PILRA: variants seen among roughly 807,000 people sequenced by gnomAD.
PILRA encodes the protein paired immunoglobulin-like type 2 receptor alpha.
A neutral mutation model predicts 33.1 loss-of-function variants in PILRA; 37 were observed. That is an observed-to-expected ratio of 1.12 (90% CI 0.86 to 1.47). PILRA has a LOEUF of 1.47. PILRA is among the 40% of genes most tolerant of loss of function. The pLI is 0.00. For missense variants in PILRA, 312 were observed against 376.2 expected, an observed-to-expected ratio of 0.83 and a Z score of 1.41; for synonymous variants, 146 against 149.9, an observed-to-expected ratio of 0.97 and a Z score of 0.19.
At chr7:100,375,283 C>T (rs1331421410) in intron 2 of PILRA, among the ~76,000 whole-genome samples, 2 of 152,212 alleles carry the variant, frequency 1.3e-5, no homozygotes, top group Non-Finnish European at 2.9e-5. Flanking sequence ...CCTGGCAAAT[C>T]GCTTCGTGTG....
chr7:100,397,726 G>A (rs1791529374), intron 3 of PILRA, among the ~76,000 whole-genome samples, 153 bp from the exon 4 acceptor site: 2 of 152,166 alleles, frequency 1.3e-5, no homozygotes, highest in African/African-American at 2.4e-5. Flanking sequence ...GGTGCCGGCT[G>A]AGTCCCAGGC....
intron 2 of PILRA, among the ~76,000 whole-genome samples, chr7:100,389,434 C>CT (rs978667262): frequency 1.3e-5 from 2 of 152,104 alleles, no homozygotes; most frequent in African/African-American, 4.8e-5. Context: ...CAACAATAGA[C>CT]TTTTTTTGAT....
intron 3 of PILRA, among the ~76,000 whole-genome samples, chr7:100,395,114 A>G (rs1791468639): frequency 6.6e-6 from 1 of 152,230 alleles, no homozygotes; most frequent in African/African-American, 2.4e-5. Flanking sequence ...CTATAATTCA[A>G]CAACAAAAAA....
chr7:100,396,650 C>A (rs1389544112), intron 3 of PILRA, among the ~76,000 whole-genome samples: 1 of 151,996 alleles, frequency 6.6e-6, no homozygotes, highest in Non-Finnish European at 1.5e-5. Context: ...GAAACTCTGT[C>A]TCAAAAAATA....
chr7:100,390,288 G>A (rs1791361644), intron 3 of PILRA, among the ~76,000 whole-genome samples, 182 bp downstream of exon 3: 2 of 152,134 alleles, frequency 1.3e-5, no homozygotes, highest in Non-Finnish European at 1.5e-5. Context: ...GTGGGGCGGG[G>A]CAGGGTCACA....
In PILRA at chr7:100,373,610, C is replaced by G. The variant is rs199810421; in HGVS notation, c.-47C>G. Reference sequence around the variant, plus strand: ...CCCCTCCACAGGGCCCCTCTCCTGCCTGGACGGCTCTGCTGGTCTCCCCGT... The same window carrying G: ...CCCCTCCACAGGGCCCCTCTCCTGCGTGGACGGCTCTGCTGGTCTCCCCGT... On this transcript the variant is annotated 5_prime_UTR_variant, in exon 1 of 7. Transcript: ENST00000198536. 6.2e-7 allele frequency: 1 copy of G among 1,610,758 alleles called. No individual in the cohort carries two copies. Among genetic ancestry groups the G allele is most frequent in the African/African-American group, 1.3e-5 (1 of 74,896 alleles).
intron 2 of PILRA, among the ~76,000 whole-genome samples, chr7:100,378,059 T>A (rs994142883): frequency 6.6e-6 from 1 of 152,088 alleles, no homozygotes; most frequent in Non-Finnish European, 1.5e-5. Flanking sequence ...CCTCAAAAAC[T>A]TTTTTAGGCT....
intron 2 of PILRA, 149 bp downstream of exon 2, chr7:100,374,582 C>A (rs1302133018): frequency 6.0e-6 from 5 of 828,628 alleles, no homozygotes; most frequent in Admixed American, 4.1e-5. Context: ...CAGGCCTTTG[C>A]CACCTCTCCC....
At chr7:100,383,938 C>T (rs1272837775) in intron 2 of PILRA, among the ~76,000 whole-genome samples, 3 of 152,108 alleles carry the variant, frequency 2.0e-5, no homozygotes, top group Admixed American at 6.5e-5. Context: ...TGCCCGGCCC[C>T]AACTCACAGC....
intron 1 of PILRA, 117 bp from the exon 2 acceptor site, chr7:100,373,927 C>T: frequency 2.1e-6 from 3 of 1,400,550 alleles, no homozygotes; most frequent in Non-Finnish European, 2.9e-6. Context: ...GAGGTCAGTC[C>T]AGCCACCTGT....
At chr7:100,386,627 C>T (rs1418762335) in intron 2 of PILRA, among the ~76,000 whole-genome samples, 1 of 152,062 alleles carries the variant, frequency 6.6e-6, no homozygotes, top group Admixed American at 6.5e-5. Flanking sequence ...AAGCGATCCT[C>T]CTCCTGAGGC....
At chr7:100,383,969 A>G (rs886611384) in intron 2 of PILRA, among the ~76,000 whole-genome samples, 3 of 152,088 alleles carry the variant, frequency 2.0e-5, no homozygotes, top group South Asian at 2.1e-4. Context: ...CCCTCTCGCT[A>G]TGGTATGGAG....
At chr7:100,397,755 G>A (rs374559439) in intron 3 of PILRA, 124 bp from the exon 4 acceptor site, 26 of 978,580 alleles carry the variant, frequency 2.7e-5, no homozygotes, top group African/African-American at 2.6e-4. Flanking sequence ...ATGGGTTTGG[G>A]TGGAGCAGCT....
chr7:100,382,662 G>A (rs914725214), intron 2 of PILRA, among the ~76,000 whole-genome samples: 5 of 152,220 alleles, frequency 3.3e-5, no homozygotes, highest in Non-Finnish European at 5.9e-5. Context: ...CTGCCCCCCT[G>A]AGCAGTATCA....
chr7:100,382,428 T>C (rs979565900), intron 2 of PILRA, among the ~76,000 whole-genome samples: 2 of 152,202 alleles, frequency 1.3e-5, no homozygotes, highest in African/African-American at 4.8e-5. Context: ...CACCACTCTG[T>C]ATCTAGCTCA....
chr7:100,380,248 A>T (rs1791059152), intron 2 of PILRA, among the ~76,000 whole-genome samples: 1 of 152,216 alleles, frequency 6.6e-6, no homozygotes, highest in African/African-American at 2.4e-5. Context: ...CTAAGGCTAG[A>T]GTCCCTATAT....
intron 3 of PILRA, among the ~76,000 whole-genome samples, chr7:100,393,896 T>G (rs1347832935): frequency 1.3e-5 from 2 of 152,146 alleles, no homozygotes; most frequent in Non-Finnish European, 2.9e-5. Context: ...CAACAACTTC[T>G]TCACGTGTGA....
At chr7:100,392,141 TCTA>T (rs1438256263) in intron 3 of PILRA, among the ~76,000 whole-genome samples, 1 of 152,142 alleles carries the variant, frequency 6.6e-6, no homozygotes, top group African/African-American at 2.4e-5. Context: ...AAACCCTGTC[TCTA>T]CTAAAAATAC....
Position 100,390,124 on chromosome 7 carries a change from G to T in PILRA, c.673+18G>T. Reference sequence around the variant, plus strand: ...AAGGAAAGGTAAGTGCCCAGGACCCGCCCTCTCCCCAAGCCTCCCATCTGG... The same window carrying T: ...AAGGAAAGGTAAGTGCCCAGGACCCTCCCTCTCCCCAAGCCTCCCATCTGG... On this transcript the variant is annotated intron_variant, in intron 3 of 6. Coordinates refer to ENST00000198536, the MANE Select transcript of PILRA (RefSeq NM_013439.3). 1 of 1,604,518 alleles carries T rather than the reference G, an allele frequency of 6.2e-7. No individual in the cohort carries two copies. Among genetic ancestry groups the T allele is most frequent in the South Asian group, 1.1e-5 (1 of 90,810 alleles).
Sources: gnomAD v4.1 joint callset for allele counts (sites outside exome capture counted in the v4.1 genomes callset) on GRCh38, gnomAD v4.1.1 for gene constraint, MANE v1.5 for transcripts, NCBI Gene and HGNC (gene_info 2026-07-23, HGNC 2026-07-21) for gene names.